UCK2: variants seen among roughly 807,000 people sequenced by gnomAD.
The protein encoded by UCK2 is cytidine monophosphokinase 2.
A neutral mutation model predicts 30.8 loss-of-function variants in UCK2; 6 were observed. The ratio of observed to expected loss-of-function variants is 0.19; its 90% confidence interval spans 0.11 to 0.38. The LOEUF is 0.38. Ranked by LOEUF, UCK2 falls within the 10% of genes least tolerant of loss-of-function variation. UCK2 has a pLI of 1.00. For synonymous variants in UCK2, 125 were observed against 133.6 expected (o/e 0.94, Z 0.45); for missense variants, 210 against 339.8 (o/e 0.62, Z 3.00).
intron 5 of UCK2, among the ~76,000 whole-genome samples, chr1:165,905,262 C>T (rs577256537): frequency 1.3e-5 from 2 of 152,138 alleles, no homozygotes; most frequent in Non-Finnish European, 2.9e-5. Context: ...GTGGGTGGAT[C>T]GCTTGAGCCC....
At position 165,827,919 on chromosome 1, in the gene UCK2, C is replaced by A; in HGVS notation, c.86C>A (p.Thr29Lys). 1 of 1,438,802 alleles carries A rather than the reference C, an allele frequency of 7.0e-7. No individual in the cohort carries two copies. Among genetic ancestry groups the A allele is most frequent in the Non-Finnish European group, 9.2e-7 (1 of 1,086,394 alleles). The allele number at this position is 1,438,802 out of a possible 1,614,324, so 89.1% of individuals were successfully genotyped here. ...TTCCTTATAGGCGTCAGCGGGGGAACAGCTAGCGGCAAGGTACGGCGGGGC... is the reference window on the plus strand; with the variant it reads ...TTCCTTATAGGCGTCAGCGGGGGAAAAGCTAGCGGCAAGGTACGGCGGGGC... Reference protein sequence around the residue: ...EPFLIGVSGGTASGKSSVCAK... With the variant: ...EPFLIGVSGGKASGKSSVCAK... Residue 29 changes from threonine to lysine, a missense_variant, in exon 1 of 7, where the codon ACA becomes AAA. Thr to Lys is a moderately conservative substitution (Grantham distance 78). Around this residue, in one of 4 missense-constraint regions of UCK2, gnomAD observed 75 missense variants for 124.7 expected, o/e 0.60. Transcript: ENST00000367879.
chr1:165,835,957 G>T (rs145477181), intron 1 of UCK2, among the ~76,000 whole-genome samples: 2 of 152,272 alleles, frequency 1.3e-5, no homozygotes, highest in African/African-American at 4.8e-5. Flanking sequence ...TGCCGGGCGC[G>T]GTGGCTCATG....
chr1:165,848,300 C>G (rs1197210141), intron 1 of UCK2, among the ~76,000 whole-genome samples: 1 of 152,150 alleles, frequency 6.6e-6, no homozygotes. Context: ...AGTCTGGACT[C>G]TTAGAAAATA....
chr1:165,893,612 C>G (rs1008785646), intron 3 of UCK2, among the ~76,000 whole-genome samples: 1 of 152,210 alleles, frequency 6.6e-6, no homozygotes, highest in Non-Finnish European at 1.5e-5. Flanking sequence ...GATGGTTAGA[C>G]TGGGTTATCT....
At chr1:165,839,075 A>C (rs1654265043) in intron 1 of UCK2, among the ~76,000 whole-genome samples, 2 of 152,120 alleles carry the variant, frequency 1.3e-5, no homozygotes, top group South Asian at 4.1e-4. Context: ...AAAATCAGAG[A>C]GTGACTTTAA....
chr1:165,909,291 A>G lies in UCK2; in HGVS notation c.*1468A>G, dbSNP rs1464531847. On this transcript the variant is annotated 3_prime_UTR_variant, in exon 7 of 7. Transcript: ENST00000367879. ...CTCAGTTTCTGACTGCAGAAGAGCCAGAGATGTTCATTTCATTGTTGACCA... is the reference window on the plus strand; with the variant it reads ...CTCAGTTTCTGACTGCAGAAGAGCCGGAGATGTTCATTTCATTGTTGACCA... The G allele has an allele frequency of 6.6e-6, 1 of 152,222 alleles. No individual in the cohort carries two copies. Among genetic ancestry groups the G allele is most frequent in the Admixed American group, 6.5e-5 (1 of 15,286 alleles). The allele number at this position is 152,222 out of a possible 1,614,324, so 9.4% of individuals were successfully genotyped here.
intron 1 of UCK2, among the ~76,000 whole-genome samples, chr1:165,851,796 T>C (rs1347060053): frequency 6.6e-6 from 1 of 152,152 alleles, no homozygotes; most frequent in Non-Finnish European, 1.5e-5. Flanking sequence ...TCTGTGTCCA[T>C]GGGTTCTCGT....
chr1:165,885,782 T>C (rs993534770), intron 1 of UCK2, among the ~76,000 whole-genome samples: 1 of 152,198 alleles, frequency 6.6e-6, no homozygotes, highest in East Asian at 1.9e-4. Flanking sequence ...GATATGATAA[T>C]AATTCCCATC....
chr1:165,886,125 C>T (rs1655607150), intron 1 of UCK2, among the ~76,000 whole-genome samples: 7 of 152,112 alleles, frequency 4.6e-5, no homozygotes, highest in Admixed American at 4.6e-4. Context: ...TTTCACTTTG[C>T]ATAGTGAAAT....
intron 3 of UCK2, chr1:165,895,630 A>T: frequency 1.0e-6 from 1 of 985,630 alleles, no homozygotes; most frequent in Non-Finnish European, 1.2e-6. Flanking sequence ...ACTTCCTCAC[A>T]AATGCTTTCT....
chr1:165,902,924 T>C, intron 4 of UCK2: 1 of 303,068 alleles, frequency 3.3e-6, no homozygotes. Context: ...ACAAGAAGGC[T>C]GTTGGCCTCC....
intron 1 of UCK2, among the ~76,000 whole-genome samples, chr1:165,869,199 C>A (rs1287853460): frequency 6.6e-6 from 1 of 152,044 alleles, no homozygotes; most frequent in Non-Finnish European, 1.5e-5. Flanking sequence ...GATCACAGAT[C>A]ACCATAACAT....
rs1368873569 is a variant in UCK2 at position 165,911,028 on chromosome 1, T to A, written c.*3205T>A. The A allele has an allele frequency of 6.6e-6, 1 of 152,356 alleles. No homozygotes were observed. The highest frequency in any genetic ancestry group is 1.5e-5 in the Non-Finnish European group (1 of 68,160). The allele number at this position is 152,356 out of a possible 1,614,324, so 9.4% of individuals were successfully genotyped here. ...CTTGCCCTTGTGCACTTTCCTTGAT[T>A]TAGCAACCTTGACCTGCACTGGCCC... On this transcript the variant is annotated 3_prime_UTR_variant, in exon 7 of 7. Transcript: ENST00000367879.
chr1:165,850,901 C>T (rs761480981), intron 1 of UCK2, among the ~76,000 whole-genome samples: 2 of 148,276 alleles, frequency 1.3e-5, no homozygotes, highest in Non-Finnish European at 3.0e-5. Flanking sequence ...GGATTACAGG[C>T]GTGAGCCACC....
intron 1 of UCK2, among the ~76,000 whole-genome samples, chr1:165,841,033 A>G (rs1486152573): frequency 2.0e-5 from 3 of 151,870 alleles, no homozygotes; most frequent in African/African-American, 7.3e-5. Context: ...GTGTTTGACC[A>G]ATATCTGTGT....
intron 1 of UCK2, among the ~76,000 whole-genome samples, chr1:165,871,123 G>T (rs987147394): frequency 6.6e-6 from 1 of 152,054 alleles, no homozygotes; most frequent in East Asian, 1.9e-4. Flanking sequence ...GCCCCTGTTA[G>T]TGTTTAGTAT....
intron 4 of UCK2, among the ~76,000 whole-genome samples, chr1:165,897,157 G>A (rs1232833624): frequency 1.3e-5 from 2 of 152,112 alleles, no homozygotes; most frequent in Non-Finnish European, 2.9e-5. Context: ...GTTGTACGAA[G>A]AGACACTACA....
At chr1:165,897,320 C>T (rs551626976) in intron 4 of UCK2, among the ~76,000 whole-genome samples, 1 of 152,184 alleles carries the variant, frequency 6.6e-6, no homozygotes, top group East Asian at 1.9e-4. Context: ...TAAGTGAAGC[C>T]TGTAGCTGGA....
rs373744092 is a variant in UCK2 at position 165,873,836 on chromosome 1, CTCCT to C, written c.100-16367_100-16364del. Among the ~76,000 whole-genome samples the C allele has an allele frequency of 1.2e-3, 185 of 152,222 alleles. 1 individual carries two copies. The East Asian group carries it at 0.025, about 21-fold the overall frequency. ...CTTTCAAACCATTCTCCCTCCCTCC[CTCCT>C]GCCTAAAACACCAGCTTTGGATCTC... On this transcript the variant is annotated intron_variant, in intron 1 of 6. Coordinates refer to ENST00000367879, the MANE Select transcript of UCK2 (RefSeq NM_012474.5).
Sources: gnomAD v4.1 joint callset for allele counts (sites outside exome capture counted in the v4.1 genomes callset) on GRCh38, gnomAD v4.1.1 for gene constraint, gnomAD v4.1.1 regional missense constraint, MANE v1.5 for transcripts, NCBI Gene and HGNC (gene_info 2026-07-23, HGNC 2026-07-21) for gene names.